The following BMP6 variants were observed in gnomAD, a reference collection of about 807,000 sequenced individuals.
BMP6 encodes bone morphogenetic protein 6.
In BMP6, 17 loss-of-function variants were observed where a neutral mutation model predicts 54.1. That is an observed-to-expected ratio of 0.31 (90% CI 0.22 to 0.47). The LOEUF (loss-of-function observed/expected upper bound fraction) is 0.47, where lower values mean the gene tolerates loss of function less well. BMP6 is among the 20% of genes least tolerant of loss of function. The pLI is 1.00. For synonymous variants in BMP6, 328 were observed against 291.2 expected (o/e 1.13, Z -1.28); for missense variants, 720 against 690.4 (o/e 1.04, Z -0.48).
intron 4 of BMP6, among the ~76,000 whole-genome samples, chr6:7,874,928 G>T (rs547856334): frequency 3.1e-4 from 47 of 151,562 alleles, no homozygotes; most frequent in South Asian, 1.5e-3. Context: ...GATATATGGA[G>T]ATATATATAT....
chr6:7,833,693 C>T (rs555390245), intron 1 of BMP6, among the ~76,000 whole-genome samples: 2 of 152,308 alleles, frequency 1.3e-5, no homozygotes, highest in East Asian at 3.9e-4. Context: ...ATTTGCTCTG[C>T]CTACCTTCTG....
chr6:7,866,080 C>T (rs1483604846), intron 4 of BMP6, among the ~76,000 whole-genome samples: 3 of 152,238 alleles, frequency 2.0e-5, no homozygotes, highest in Non-Finnish European at 4.4e-5. Context: ...ACTTTCCAAA[C>T]ATGTGCACTG....
rs183267447 is a variant in BMP6, at chr6:7,868,934, A to G, written c.1204+6436A>G. Among the ~76,000 whole-genome samples the G allele has an allele frequency of 1.5e-3, 221 of 151,858 alleles. 1 individual carries two copies. Among genetic ancestry groups the G allele is most frequent in the Non-Finnish European group, 2.5e-3 (167 of 67,944 alleles). On this transcript the variant is annotated intron_variant, in intron 4 of 6. Transcript: ENST00000283147. ...ACCTGCTTTCTGTGGTGTCCCTGAC[A>G]TTCTCTCTCCCCTGCCTTTGTTTCC...
chr6:7,866,412 T>C (rs35093544), intron 4 of BMP6, among the ~76,000 whole-genome samples: 7,702 of 152,302 alleles, frequency 0.051, 408 homozygotes, highest in African/African-American at 0.13. Flanking sequence ...CTTGTTATCA[T>C]TCACTCTCTT....
chr6:7,822,284 T>A (rs1011659195), intron 1 of BMP6, among the ~76,000 whole-genome samples: 1 of 152,154 alleles, frequency 6.6e-6, no homozygotes, highest in Non-Finnish European at 1.5e-5. Flanking sequence ...CCTCCCAAAG[T>A]GTTGGGATTA....
intron 1 of BMP6, among the ~76,000 whole-genome samples, chr6:7,822,531 C>G (rs1758626986): frequency 6.6e-6 from 1 of 152,194 alleles, no homozygotes; most frequent in African/African-American, 2.4e-5. Flanking sequence ...TGCCACCTCA[C>G]TGCTCTATTT....
chr6:7,757,781 T>C (rs1321196884), intron 1 of BMP6, among the ~76,000 whole-genome samples: 1 of 152,238 alleles, frequency 6.6e-6, no homozygotes, highest in African/African-American at 2.4e-5. Context: ...TTCATAATTA[T>C]ACAATGTATC....
intron 2 of BMP6, among the ~76,000 whole-genome samples, chr6:7,850,908 T>C (rs1451581707): frequency 6.6e-6 from 1 of 152,240 alleles, no homozygotes; most frequent in African/African-American, 2.4e-5. Flanking sequence ...TGTGCTTTAG[T>C]GGCAACTTTC....
intron 1 of BMP6, among the ~76,000 whole-genome samples, chr6:7,775,259 G>A (rs1424037027): frequency 6.6e-6 from 1 of 152,206 alleles, no homozygotes; most frequent in African/African-American, 2.4e-5. Context: ...TAACAAAATT[G>A]TGGACTTTTG....
intron 1 of BMP6, among the ~76,000 whole-genome samples, chr6:7,820,935 G>A (rs1352496286): frequency 2.0e-5 from 3 of 152,240 alleles, no homozygotes; most frequent in Admixed American, 2.0e-4. Flanking sequence ...GCTCCTATGA[G>A]AAGCTAGTGC....
intron 1 of BMP6, among the ~76,000 whole-genome samples, chr6:7,774,885 A>G (rs928519775): frequency 6.6e-6 from 1 of 152,214 alleles, no homozygotes; most frequent in African/African-American, 2.4e-5. Context: ...GTTCAAGAGC[A>G]TGGCACCATC....
intron 1 of BMP6, among the ~76,000 whole-genome samples, chr6:7,792,003 TGGATGGATG>T (rs1009784676): frequency 1.1e-5 from 1 of 94,580 alleles, no homozygotes; most frequent in Non-Finnish European, 2.1e-5. Flanking sequence ...GATGGATGGA[TGGATGGATG>T]GATGGATGGA....
intron 1 of BMP6, among the ~76,000 whole-genome samples, chr6:7,823,345 C>A (rs879027415): frequency 6.6e-6 from 1 of 152,216 alleles, no homozygotes; most frequent in Middle Eastern, 3.4e-3. Flanking sequence ...ACAGATGAGT[C>A]GTTATTACCT....
chr6:7,858,272 G>A (rs1418035376), intron 2 of BMP6, among the ~76,000 whole-genome samples: 2 of 151,892 alleles, frequency 1.3e-5, no homozygotes, highest in African/African-American at 4.8e-5. Flanking sequence ...TTTTGTAGAG[G>A]TAGGGTTTCG....
At chr6:7,770,388 A>G (rs1321611629) in intron 1 of BMP6, among the ~76,000 whole-genome samples, 1 of 152,072 alleles carries the variant, frequency 6.6e-6, no homozygotes, top group Non-Finnish European at 1.5e-5. Flanking sequence ...AATGACTGGA[A>G]CCACATGTAA....
At chr6:7,736,997 G>C (rs535134427) in intron 1 of BMP6, among the ~76,000 whole-genome samples, 1 of 152,256 alleles carries the variant, frequency 6.6e-6, no homozygotes, top group South Asian at 2.1e-4. Context: ...AGACCGGCCT[G>C]GCCAACATGG....
At chr6:7,772,553 T>G (rs1032048349) in intron 1 of BMP6, among the ~76,000 whole-genome samples, 1 of 152,160 alleles carries the variant, frequency 6.6e-6, no homozygotes, top group South Asian at 2.1e-4. Context: ...GAATGACAAC[T>G]GCCAATGGGA....
chr6:7,778,956 G>A (rs970847558), intron 1 of BMP6, among the ~76,000 whole-genome samples: 1 of 152,232 alleles, frequency 6.6e-6, no homozygotes, highest in Non-Finnish European at 1.5e-5. Context: ...CTGAGGACAG[G>A]TGCTGTGCAA....
intron 1 of BMP6, among the ~76,000 whole-genome samples, chr6:7,783,399 C>A (rs924602395): frequency 1.2e-4 from 18 of 152,214 alleles, no homozygotes; most frequent in African/African-American, 4.1e-4. Context: ...TGGGTCGCTT[C>A]AAAGGTTCCA....
Sources: gnomAD v4.1 joint callset for allele counts (sites outside exome capture counted in the v4.1 genomes callset) on GRCh38, gnomAD v4.1.1 for gene constraint, MANE v1.5 for transcripts, NCBI Gene and HGNC (gene_info 2026-07-23, HGNC 2026-07-21) for gene names.